GPR176: variants seen among roughly 807,000 people sequenced by gnomAD.
GPR176 encodes the protein G protein-coupled receptor 176.
A neutral mutation model predicts 35.4 loss-of-function variants in GPR176; 26 were observed. That is an observed-to-expected ratio of 0.74 (90% CI 0.54 to 1.02). The LOEUF (loss-of-function observed/expected upper bound fraction) is 1.02. Ranked by LOEUF, GPR176 falls within the 50% of genes least tolerant of loss-of-function variation. GPR176 has a pLI of 0.00. For synonymous variants in GPR176, 278 were observed against 271.3 expected, an observed-to-expected ratio of 1.02 and a Z score of -0.24; for missense variants, 597 against 665.3, an observed-to-expected ratio of 0.90 and a Z score of 1.13.
chr15:39,880,606 A>G (rs1011446653), intron 1 of GPR176, among the ~76,000 whole-genome samples: 2 of 152,052 alleles, frequency 1.3e-5, no homozygotes, highest in Non-Finnish European at 2.9e-5. Context: ...TTTGTCTCCT[A>G]TATACCTTAT....
chr15:39,894,944 G>C (rs552641251), intron 1 of GPR176, among the ~76,000 whole-genome samples: 8 of 152,260 alleles, frequency 5.3e-5, no homozygotes, highest in African/African-American at 1.9e-4. Context: ...GGGCACCATT[G>C]AGCACTGAGT....
intron 1 of GPR176, among the ~76,000 whole-genome samples, chr15:39,886,989 C>T (rs1422830341): frequency 6.6e-6 from 1 of 152,204 alleles, no homozygotes; most frequent in Non-Finnish European, 1.5e-5. Flanking sequence ...CAAGGGAACA[C>T]GAGGTTATTT....
intron 1 of GPR176, among the ~76,000 whole-genome samples, chr15:39,912,898 T>G (rs2033617090): frequency 1.3e-5 from 2 of 152,200 alleles, no homozygotes; most frequent in Non-Finnish European, 2.9e-5. Context: ...TATTTGGAGC[T>G]GTCTGGCAGT....
rs1199834635 is a variant in GPR176, at chr15:39,872,911, C to G, written c.172+46944G>C. Among the ~76,000 whole-genome samples, 3 of 141,502 alleles carry G rather than the reference C, an allele frequency of 2.1e-5. 1 individual carries two copies. Among genetic ancestry groups the G allele is most frequent in the South Asian group, 4.9e-4 (2 of 4,116 alleles). The allele number at this position is 141,502 out of a possible 152,430, so 92.8% of individuals were successfully genotyped here. A position where few individuals can be genotyped will look rare whatever the true frequency, so the allele number is the denominator to read the frequency against. ...TGGTGGGGACAAATATCCAAAATAT[C>G]TGTGTGTGTGTGTGTGTGTGTGTGT... On this transcript the variant is annotated intron_variant, in intron 1 of 2. Coordinates refer to ENST00000561100, the MANE Select transcript of GPR176 (RefSeq NM_007223.3).
At chr15:39,904,168 T>C (rs2033358270) in intron 1 of GPR176, among the ~76,000 whole-genome samples, 1 of 152,288 alleles carries the variant, frequency 6.6e-6, no homozygotes, top group South Asian at 2.1e-4. Context: ...GCTTTTTTAC[T>C]GCAACCTGTT....
At chr15:39,821,611 A>C (rs1900277753) in intron 1 of GPR176, among the ~76,000 whole-genome samples, 2 of 152,174 alleles carry the variant, frequency 1.3e-5, no homozygotes, top group African/African-American at 2.4e-5. Context: ...CAACTCTTTA[A>C]ATTATTTTTC....
At chr15:39,864,707 CT>C (rs930097333) in intron 1 of GPR176, among the ~76,000 whole-genome samples, 1 of 152,006 alleles carries the variant, frequency 6.6e-6, no homozygotes, top group African/African-American at 2.4e-5. Flanking sequence ...CTTAACCCAA[CT>C]AAAAAAGCTT....
chr15:39,830,372 T>C (rs557767760), intron 1 of GPR176, among the ~76,000 whole-genome samples: 1 of 152,100 alleles, frequency 6.6e-6, no homozygotes, highest in South Asian at 2.1e-4. Context: ...ACTAAACAAA[T>C]GATGGAGGAA....
intron 1 of GPR176, among the ~76,000 whole-genome samples, chr15:39,817,703 C>T (rs918356924): frequency 4.5e-4 from 68 of 151,528 alleles, no homozygotes; most frequent in African/African-American, 1.6e-3. Context: ...AGAGAGAGAG[C>T]AAGAGAGAGA....
chr15:39,812,722 C>A (rs1566937217), intron 1 of GPR176, among the ~76,000 whole-genome samples: 1 of 147,950 alleles, frequency 6.8e-6, no homozygotes. Context: ...AAGTATATTC[C>A]TAATTCCTCT....
intron 1 of GPR176, among the ~76,000 whole-genome samples, chr15:39,891,369 T>C (rs1259932342): frequency 6.6e-6 from 1 of 152,204 alleles, no homozygotes; most frequent in Non-Finnish European, 1.5e-5. Context: ...GGGGTTTTTT[T>C]GTTGTTAAAG....
intron 1 of GPR176, among the ~76,000 whole-genome samples, chr15:39,896,381 G>A (rs1360498218): frequency 3.9e-5 from 6 of 152,264 alleles, no homozygotes; most frequent in African/African-American, 1.2e-4. Context: ...TGGCCTTCAT[G>A]ACAATACTGT....
chr15:39,846,843 A>G (rs2030465141), intron 1 of GPR176, among the ~76,000 whole-genome samples: 1 of 152,176 alleles, frequency 6.6e-6, no homozygotes, highest in Non-Finnish European at 1.5e-5. Flanking sequence ...GGATATCAGA[A>G]AGAAAAAGAA....
At chr15:39,844,319 T>C (rs1016147595) in intron 1 of GPR176, among the ~76,000 whole-genome samples, 2 of 152,064 alleles carry the variant, frequency 1.3e-5, no homozygotes, top group Non-Finnish European at 2.9e-5. Flanking sequence ...TTTAATATGC[T>C]CCCAGACGGT....
chr15:39,912,861 A>AAAGTATAT (rs2033616042), intron 1 of GPR176, among the ~76,000 whole-genome samples: 1 of 152,182 alleles, frequency 6.6e-6, no homozygotes, highest in Non-Finnish European at 1.5e-5. Flanking sequence ...AAATAAAACA[A>AAAGTATAT]AAGTATATTC....
chr15:39,892,432 A>G (rs946413336), intron 1 of GPR176, among the ~76,000 whole-genome samples: 2 of 152,232 alleles, frequency 1.3e-5, no homozygotes, highest in Non-Finnish European at 2.9e-5. Context: ...ATTTGAACTT[A>G]GTGTTTGCCA....
At chr15:39,902,527 A>T (rs1044413322) in intron 1 of GPR176, among the ~76,000 whole-genome samples, 2 of 152,192 alleles carry the variant, frequency 1.3e-5, no homozygotes, top group Admixed American at 1.3e-4. Context: ...CATTGCTACT[A>T]AAGACTTGCA....
Position 39,892,332 on chromosome 15 carries a change from T to C in GPR176, c.172+27523A>G, listed in dbSNP as rs563432069. Among the ~76,000 whole-genome samples the C allele has an allele frequency of 7.3e-3, 784 of 108,008 alleles. 10 individuals carry two copies. Among genetic ancestry groups the C allele is most frequent in the African/African-American group, 0.043 (751 of 17,500 alleles). The allele number at this position is 108,008 out of a possible 152,430, so 70.9% of individuals were successfully genotyped here. ...TACAGTAGGCATGGGAAGCCTACTG[T>C]AATTACATTACATTAAGTAATATGA... On this transcript the variant is annotated intron_variant, in intron 1 of 2. Transcript: ENST00000561100.
chr15:39,920,199 G>A lies in GPR176; in HGVS notation c.-173C>T. 1 of 419,680 alleles carries A rather than the reference G, an allele frequency of 2.4e-6. No individual in the cohort carries two copies. The highest frequency in any genetic ancestry group is 4.1e-6 in the Non-Finnish European group (1 of 242,614). The allele number at this position is 419,680 out of a possible 1,614,324, so 26.0% of individuals were successfully genotyped here. ...TCGCCAACCCCGGCGCCCGGGAGGC[G>A]GGGAGGGAGGGAGGCGCGGCTGCGC... On this transcript the variant is annotated 5_prime_UTR_variant, in exon 1 of 3. Transcript: ENST00000561100.
Sources: allele counts gnomAD v4.1 joint callset (sites outside exome capture counted in the v4.1 genomes callset), GRCh38; gene constraint gnomAD v4.1.1; transcripts MANE v1.5; gene names NCBI Gene and HGNC (gene_info 2026-07-23, HGNC 2026-07-21).